Variants in FOXI3 observed in about 807,000 individuals in gnomAD.
The protein encoded by FOXI3 is forkhead box protein I3.
Under a neutral mutation model 15.6 loss-of-function variants are expected in FOXI3, and 4 were observed. The ratio of observed to expected loss-of-function variants is 0.26; its 90% confidence interval spans 0.13 to 0.59. The LOEUF is 0.59. Ranked by LOEUF, FOXI3 falls within the 20% of genes least tolerant of loss-of-function variation. The probability of loss-of-function intolerance (pLI) is 0.90; values close to 1 mark genes in which losing one functional copy is unlikely to be tolerated. For missense variants in FOXI3, 489 were observed against 548.2 expected, an observed-to-expected ratio of 0.89 and a Z score of 1.08; for synonymous variants, 238 against 244.4, an observed-to-expected ratio of 0.97 and a Z score of 0.25.
chr2:88,452,600 T>C lies in FOXI3; in HGVS notation c.-65A>G. 1.0e-6 allele frequency: 1 copy of C among 982,432 alleles called. No homozygotes were observed. The highest frequency in any genetic ancestry group is 1.2e-6 in the Non-Finnish European group (1 of 811,900). The allele number at this position is 982,432 out of a possible 1,614,324, so 60.9% of individuals were successfully genotyped here. ...GGGCGAGCGGGGCTGGTCTCGCCGC[T>C]CGGGCGAGAGCATCCCTTTGGGGGC... On this transcript the variant is annotated 5_prime_UTR_variant, in exon 1 of 2. Transcript: ENST00000428390.
At position 88,447,739 on chromosome 2, in the gene FOXI3, G is replaced by T. The variant is rs1675962538; in HGVS notation, c.*468C>A. 1 of 164,890 alleles carries T rather than the reference G, an allele frequency of 6.1e-6. No homozygotes were observed. Among genetic ancestry groups the T allele is most frequent in the African/African-American group, 2.4e-5 (1 of 41,686 alleles). 10.2% of individuals were successfully genotyped at this position (164,890 alleles called of 1,614,324 possible). On this transcript the variant is annotated 3_prime_UTR_variant, in exon 2 of 2. Transcript: ENST00000428390. The stretch of plus-strand genomic sequence containing the variant: ...TCAGAATGCTGCCAGAGGAGAGAAA[G>T]AACCAGCTGTTCCCAGCAGCCTTCT...
At chr2:88,451,561 G>C (rs953390452) in intron 1 of FOXI3, among the ~76,000 whole-genome samples, 24 of 152,182 alleles carry the variant, frequency 1.6e-4, no homozygotes, top group African/African-American at 5.1e-4. Context: ...GAGCTCCCTT[G>C]TAAGTAGACC....
At position 88,447,627 on chromosome 2, in the gene FOXI3, A is replaced by G. The variant is rs1378372350; in HGVS notation, c.*580T>C. The stretch of plus-strand genomic sequence containing the variant: ...AAGACTAAGGCAGGAGAATTGCTTG[A>G]ACCCAGGAGGCGGAGGTTGCAGCAC... On this transcript the variant is annotated 3_prime_UTR_variant, in exon 2 of 2. Transcript: ENST00000428390. 1 of 154,488 alleles carries G rather than the reference A, an allele frequency of 6.5e-6. No homozygotes were observed. Among genetic ancestry groups the G allele is most frequent in the African/African-American group, 2.4e-5 (1 of 41,452 alleles). The allele number at this position is 154,488 out of a possible 1,614,324, so 9.6% of individuals were successfully genotyped here.
Position 88,448,294 on chromosome 2 carries a change from C to T in FOXI3, c.1176G>A (p.Gly392=), listed in dbSNP as rs752854592. 1.3e-6 allele frequency: 2 copies of T among 1,551,666 alleles called. No individual in the cohort carries two copies. Among genetic ancestry groups the T allele is most frequent in the South Asian group, 1.2e-5 (1 of 84,038 alleles). ...YYSPFPASTS[G]GQSSPFSSPF... ...GGCTGCTGAAGGGGCTGCTTTGCCC[C>T]CCGCTGGTGCTGGCAGGGAAAGGGC... Residue 392 remains glycine, a synonymous_variant, in exon 2 of 2, where the codon GGG becomes GGA. Transcript: ENST00000428390.
At chr2:88,451,866 G>C (rs1297064612) in intron 1 of FOXI3, 30 bp downstream of exon 1, 3 of 1,602,840 alleles carry the variant, frequency 1.9e-6, no homozygotes, top group Non-Finnish European at 2.6e-6. Flanking sequence ...CGCCCTCCCC[G>C]GCTGGGAAGC....
chr2:88,448,396 G>A lies in FOXI3; in HGVS notation c.1074C>T (p.Ile358=). The A allele has an allele frequency of 6.4e-7, 1 of 1,551,726 alleles. No individual in the cohort carries two copies. ...GCAAGGTGTCTGCTGAGGCCTCTGA[G>A]ATGGAGGTCGGGGAGAACACGCCGC... ...PSSGVFSPTS[I]SEASADTLQL... Residue 358 remains isoleucine, a synonymous_variant, in exon 2 of 2, where the codon ATC becomes ATT. Coordinates refer to ENST00000428390, the MANE Select transcript of FOXI3 (RefSeq NM_001135649.3).
rs757920823 is a variant in FOXI3 at position 88,452,014 on chromosome 2, G to C, written c.522C>G (p.Phe174Leu). The C allele has an allele frequency of 1.2e-6, 2 of 1,608,058 alleles. No individual in the cohort carries two copies. Among genetic ancestry groups the C allele is most frequent in the African/African-American group, 1.3e-5 (1 of 74,776 alleles). Residue 174 changes from phenylalanine to leucine, a missense_variant, in exon 1 of 2, where the codon TTC becomes TTG. Phe to Leu is a conservative substitution (Grantham distance 22). Around this residue, in one of 3 missense-constraint regions of FOXI3, gnomAD observed 224 missense variants for 245.7 expected, o/e 0.91. Transcript: ENST00000428390. ...GGTAGAAGGGGAAGCTATCGGCGACGAACTGGTAGATGTGGCTGAGAGTGA... is the reference window on the plus strand; with the variant it reads ...GGTAGAAGGGGAAGCTATCGGCGACCAACTGGTAGATGTGGCTGAGAGTGA... ...RKLTLSHIYQ[F>L]VADSFPFYQR...
At chr2:88,449,206 T>C (rs928445763) in intron 1 of FOXI3, among the ~76,000 whole-genome samples, 2 of 150,044 alleles carry the variant, frequency 1.3e-5, no homozygotes, top group African/African-American at 2.5e-5. Context: ...TGGGCCAACA[T>C]AGTGAGATCT....
At chr2:88,451,346 G>A (rs907255125) in intron 1 of FOXI3, among the ~76,000 whole-genome samples, 2 of 152,116 alleles carry the variant, frequency 1.3e-5, no homozygotes, top group Non-Finnish European at 2.9e-5. Flanking sequence ...CCAGACCCCC[G>A]TCTCATGATG....
chr2:88,447,114 A>G lies in FOXI3; in HGVS notation c.*1093T>C, dbSNP rs1230434788. 6.6e-6 allele frequency: 1 copy of G among 152,168 alleles called. No homozygotes were observed. Among genetic ancestry groups the G allele is most frequent in the Non-Finnish European group, 1.5e-5 (1 of 68,040 alleles). 9.4% of individuals were successfully genotyped at this position (152,168 alleles called of 1,614,324 possible). On this transcript the variant is annotated 3_prime_UTR_variant, in exon 2 of 2. Coordinates refer to ENST00000428390, the MANE Select transcript of FOXI3 (RefSeq NM_001135649.3). ...CATCCTGAAGTTTCACTTCCCTTAC[A>G]TGGAAAATGGGGGGTAGTAACAATA...
chr2:88,448,852 G>A, intron 1 of FOXI3, 23 bp from the exon 2 acceptor site: 1 of 1,535,406 alleles, frequency 6.5e-7, no homozygotes, highest in East Asian at 2.5e-5. Context: ...GAAAGACCAA[G>A]TTAGAGAAGG....
rs777673046 is a variant in FOXI3, at chr2:88,452,164, CGCGGGCGCGGCGGGCGAG to C, written c.354_371del (p.Ser119_Ala124del). On this transcript the variant is annotated inframe_deletion, in exon 1 of 2. Coordinates refer to ENST00000428390, the MANE Select transcript of FOXI3 (RefSeq NM_001135649.3). ...ACAGCCAGCCCAGCTCCCCGGGCCCCGCGGGCGCGGCGGGCGAGGCGGGCGCGGCGGGCGCGGGCTGCG... is the reference window on the plus strand; with the variant it reads ...ACAGCCAGCCCAGCTCCCCGGGCCCCGCGGGCGCGGCGGGCGCGGGCTGCG... 3.0e-5 allele frequency: 41 copies of C among 1,354,060 alleles called. 1 individual carries two copies. The highest frequency in any genetic ancestry group is 1.3e-4 in the South Asian group (6 of 47,032). The allele number at this position is 1,354,060 out of a possible 1,614,324, so 83.9% of individuals were successfully genotyped here.
Position 88,452,526 on chromosome 2 carries a change from A to C in FOXI3, c.10T>G (p.Tyr4Asp). Reference sequence around the variant, plus strand: ...TACACTCCGAAGTTGTCGCCGCAGTAGAGGGCCATGTCGGCGGCCGTGGGC... The same window carrying C: ...TACACTCCGAAGTTGTCGCCGCAGTCGAGGGCCATGTCGGCGGCCGTGGGC... MAL[Y>D]CGDNFGVYSQ... Residue 4 changes from tyrosine (Y) to aspartate (D), a missense_variant, in exon 1 of 2, where the codon TAC becomes GAC. By Grantham distance (160) the Tyr-to-Asp change is radical (BLOSUM62 -3). This residue lies in a region of FOXI3 where 224 missense variants were observed against 245.7 expected (regional missense o/e 0.91). Coordinates refer to ENST00000428390, the MANE Select transcript of FOXI3 (RefSeq NM_001135649.3). The C allele has an allele frequency of 9.3e-7, 1 of 1,079,854 alleles. No individual in the cohort carries two copies. The highest frequency in any genetic ancestry group is 1.1e-6 in the Non-Finnish European group (1 of 891,750). The allele number at this position is 1,079,854 out of a possible 1,614,324, so 66.9% of individuals were successfully genotyped here. A position where few individuals can be genotyped will look rare whatever the true frequency, so the allele number is the denominator to read the frequency against.
Position 88,448,716 on chromosome 2 carries a change from C to T in FOXI3, c.754G>A (p.Ala252Thr), listed in dbSNP as rs770906850. ...SEASNGSTVAAGTSKSEEGLS... is the reference protein window; with the variant it reads ...SEASNGSTVATGTSKSEEGLS... ...CCTTCTTCGGACTTTGATGTCCCAGCAGCCACTGTGGAGCCATTGCTGGCC... is the reference window on the plus strand; with the variant it reads ...CCTTCTTCGGACTTTGATGTCCCAGTAGCCACTGTGGAGCCATTGCTGGCC... The change falls in exon 2 of 2, where the codon GCT (alanine) becomes ACT (threonine). Residue 252 changes from alanine (A) to threonine (T), a missense_variant. Physicochemically the swap from Ala to Thr is moderately conservative, Grantham distance 58. Transcript: ENST00000428390. The T allele has an allele frequency of 1.3e-6, 2 of 1,551,944 alleles. No homozygotes were observed. The highest frequency in any genetic ancestry group is 2.4e-5 in the South Asian group (2 of 84,064).
chr2:88,451,423 G>A (rs1676040476), intron 1 of FOXI3, among the ~76,000 whole-genome samples: 1 of 152,144 alleles, frequency 6.6e-6, no homozygotes. Context: ...AACCTCTCTG[G>A]AACCCGATGA....
rs1465577702 is a variant in FOXI3, at chr2:88,447,928, C to T, written c.*279G>A. On this transcript the variant is annotated 3_prime_UTR_variant, in exon 2 of 2. Coordinates refer to ENST00000428390, the MANE Select transcript of FOXI3 (RefSeq NM_001135649.3). ...AAAATAGACATGGTCCCCGCCCTCACGGGGCTCACAGGCTACCTATCACAG... is the reference window on the plus strand; with the variant it reads ...AAAATAGACATGGTCCCCGCCCTCATGGGGCTCACAGGCTACCTATCACAG... 1.2e-5 allele frequency: 6 copies of T among 492,264 alleles called. No individual in the cohort carries two copies. The highest frequency in any genetic ancestry group is 3.4e-5 in the East Asian group (1 of 29,200). 30.5% of individuals were successfully genotyped at this position (492,264 alleles called of 1,614,324 possible). A position where few individuals can be genotyped will look rare whatever the true frequency, so the allele number is the denominator to read the frequency against.
At chr2:88,449,551 C>T (rs991303144) in intron 1 of FOXI3, among the ~76,000 whole-genome samples, 1 of 152,186 alleles carries the variant, frequency 6.6e-6, no homozygotes, top group Non-Finnish European at 1.5e-5. Context: ...TCATTTTGGG[C>T]AGGACCTGCC....
chr2:88,452,208 C>A lies in FOXI3; in HGVS notation c.328G>T (p.Ala110Ser). ...GTFGCSQRPF[A>S]QPAPAAPASP... ...GCGGGCGCGGCGGGCGCGGGCTGCG[C>A]GAAGGGCCGCTGAGAGCAGCCGAAG... is the stretch of plus-strand genomic sequence containing the variant. The change falls in exon 1 of 2, where the codon GCG becomes TCG. Residue 110 changes from alanine to serine, a missense_variant. By Grantham distance (99) the Ala-to-Ser change is moderately conservative (BLOSUM62 1). Around this residue, in one of 3 missense-constraint regions of FOXI3, gnomAD observed 224 missense variants for 245.7 expected, o/e 0.91. Coordinates refer to ENST00000428390, the MANE Select transcript of FOXI3 (RefSeq NM_001135649.3). 8.5e-7 allele frequency: 1 copy of A among 1,171,546 alleles called. No individual in the cohort carries two copies. Among genetic ancestry groups the A allele is most frequent in the Middle Eastern group, 3.5e-4 (1 of 2,860 alleles). 72.6% of individuals were successfully genotyped at this position (1,171,546 alleles called of 1,614,324 possible). A position where few individuals can be genotyped will look rare whatever the true frequency, so the allele number is the denominator to read the frequency against.
intron 1 of FOXI3, among the ~76,000 whole-genome samples, chr2:88,450,610 C>T (rs1676027804): frequency 6.6e-6 from 1 of 152,046 alleles, no homozygotes; most frequent in South Asian, 2.1e-4. Context: ...AAAAAACTAG[C>T]CATAGACCCC....
Sources: gnomAD v4.1 joint callset for allele counts (sites outside exome capture counted in the v4.1 genomes callset) on GRCh38, gnomAD v4.1.1 for gene constraint, gnomAD v4.1.1 regional missense constraint, MANE v1.5 for transcripts, NCBI Gene and HGNC (gene_info 2026-07-23, HGNC 2026-07-21) for gene names.